CDH13: variants seen among roughly 807,000 people sequenced by gnomAD.
CDH13 encodes the protein cadherin 13.
Under a neutral mutation model 63.8 loss-of-function variants are expected in CDH13, and 24 were observed. The ratio of observed to expected loss-of-function variants is 0.38; its 90% CI spans 0.27 to 0.53. The LOEUF is 0.53. Among genes scored for constraint, CDH13 ranks in the 20% least tolerant of loss-of-function variants. The probability of loss-of-function intolerance (pLI) is 0.85; values close to 1 mark genes in which losing one functional copy is unlikely to be tolerated. For synonymous variants in CDH13, 503 were observed against 355.3 expected (o/e 1.42, Z -4.67); for missense variants, 1,049 against 903.1 (o/e 1.16, Z -2.07).
chr16:82,862,217 A>G (rs1260715831), intron 2 of CDH13, among the ~76,000 whole-genome samples: 1 of 152,172 alleles, frequency 6.6e-6, no homozygotes, highest in Admixed American at 6.5e-5. Flanking sequence ...CCAGAATTGG[A>G]CAGCAACCCT....
chr16:83,754,831 C>T (rs975649433), intron 11 of CDH13, among the ~76,000 whole-genome samples: 25 of 152,118 alleles, frequency 1.6e-4, no homozygotes, highest in Non-Finnish European at 2.6e-4. Context: ...ATGTCTTTAT[C>T]AGCAGCATGA....
In CDH13 at chr16:83,780,107, A is replaced by G; in HGVS notation, c.1821A>G (p.Ser607=). The part of the protein sequence containing the change: ...KNLSVVILGA[S]DKDLHPNTDP... The stretch of plus-strand genomic sequence containing the variant: ...TCAGTGTAGTCATTTTGGGAGCATC[A>G]GATAAGGATCTTCACCCGAATACAG... Residue 607 remains serine, a synonymous_variant, in exon 12 of 14, where the codon TCA becomes TCG. Transcript: ENST00000567109. The G allele has an allele frequency of 6.2e-7, 1 of 1,613,894 alleles. No individual in the cohort carries two copies. Among genetic ancestry groups the G allele is most frequent in the Non-Finnish European group, 8.5e-7 (1 of 1,179,812 alleles).
chr16:82,640,561 A>G (rs1203697589), intron 1 of CDH13, among the ~76,000 whole-genome samples: 2 of 152,304 alleles, frequency 1.3e-5, no homozygotes, highest in East Asian at 1.9e-4. Flanking sequence ...AATGTTATTT[A>G]CAAACACAAG....
intron 1 of CDH13, among the ~76,000 whole-genome samples, chr16:82,849,131 A>G (rs2039381445): frequency 6.6e-6 from 1 of 152,212 alleles, no homozygotes; most frequent in Non-Finnish European, 1.5e-5. Context: ...GAGGTGAAGA[A>G]GCTGCAGGAG....
intron 7 of CDH13, among the ~76,000 whole-genome samples, chr16:83,595,025 G>A (rs886354743): frequency 1.3e-5 from 2 of 152,178 alleles, no homozygotes; most frequent in Non-Finnish European, 2.9e-5. Flanking sequence ...ACACCCAGGA[G>A]GAGACAGCAA....
intron 6 of CDH13, among the ~76,000 whole-genome samples, chr16:83,412,889 T>G (rs139687404): frequency 1.1e-4 from 17 of 152,186 alleles, no homozygotes; most frequent in Admixed American, 1.1e-3. Context: ...CAAAAGGGGG[T>G]TTATTTCATG....
Position 82,671,107 on chromosome 16 carries a change from AGACT to A in CDH13, c.45+43975_45+43978del, listed in dbSNP as rs57603601. ...GGCGAGGGGAAAGTCATCAAGCCAG[AGACT>A]GACTACTTTGAAAATTGAATACAAG... On this transcript the variant is annotated intron_variant, in intron 1 of 13. Coordinates refer to ENST00000567109, the MANE Select transcript of CDH13 (RefSeq NM_001257.5). Among the ~76,000 whole-genome samples the A allele has an allele frequency of 0.025, 3,842 of 152,324 alleles. 279 individuals are homozygous for A. The East Asian group carries it at 0.3, about 12-fold the overall frequency.
At chr16:82,847,486 C>G (rs553168351) in intron 1 of CDH13, among the ~76,000 whole-genome samples, 9 of 152,320 alleles carry the variant, frequency 5.9e-5, no homozygotes, top group African/African-American at 2.2e-4. Context: ...ACATATCACT[C>G]TGCCCTCACC....
chr16:82,635,074 G>A (rs1432188171), intron 1 of CDH13, among the ~76,000 whole-genome samples: 2 of 152,214 alleles, frequency 1.3e-5, no homozygotes, highest in East Asian at 3.8e-4. Context: ...GTGAGGTCAT[G>A]CCGTTCTAAA....
chr16:83,735,068 G>T (rs1289146321), intron 10 of CDH13, among the ~76,000 whole-genome samples: 1 of 150,904 alleles, frequency 6.6e-6, no homozygotes, highest in Non-Finnish European at 1.5e-5. Context: ...AGAAAAAAAT[G>T]ATGAATAGAA....
At chr16:83,343,176 A>T (rs987274212) in intron 5 of CDH13, among the ~76,000 whole-genome samples, 1 of 152,110 alleles carries the variant, frequency 6.6e-6, no homozygotes, top group Admixed American at 6.5e-5. Context: ...ATGTTAAAGA[A>T]AAAAATTTAA....
chr16:83,103,225 T>C (rs185902449), intron 3 of CDH13, among the ~76,000 whole-genome samples: 44 of 148,706 alleles, frequency 3.0e-4, no homozygotes, highest in African/African-American at 1.1e-3. Flanking sequence ...AGTACTGAGA[T>C]TACAGGCGTT....
chr16:82,929,515 G>C (rs1252389419), intron 2 of CDH13, among the ~76,000 whole-genome samples: 1 of 151,572 alleles, frequency 6.6e-6, no homozygotes, highest in Non-Finnish European at 1.5e-5. Context: ...AGCTGGGCAT[G>C]GTAGTGGGCG....
At chr16:82,870,508 G>A (rs914501337) in intron 2 of CDH13, among the ~76,000 whole-genome samples, 17 of 152,112 alleles carry the variant, frequency 1.1e-4, no homozygotes, top group Non-Finnish European at 1.8e-4. Flanking sequence ...TGGGGAGGGA[G>A]AATAAAGTGG....
At chr16:82,655,510 T>C (rs1597232447) in intron 1 of CDH13, among the ~76,000 whole-genome samples, 1 of 150,966 alleles carries the variant, frequency 6.6e-6, no homozygotes, top group African/African-American at 2.4e-5. Context: ...GGTCCAAGAG[T>C]AGGAGATGAG....
intron 2 of CDH13, among the ~76,000 whole-genome samples, chr16:83,012,479 T>A (rs945938343): frequency 4.6e-5 from 7 of 152,166 alleles, no homozygotes; most frequent in African/African-American, 1.2e-4. Context: ...GAGGCTAAAT[T>A]TTCAAATGGT....
intron 6 of CDH13, chr16:83,396,543 G>A (rs1343260136): frequency 2.0e-5 from 3 of 152,116 alleles, no homozygotes; most frequent in Admixed American, 6.5e-5. Context: ...TTGAATTATG[G>A]TGGTACTTTA....
intron 2 of CDH13, among the ~76,000 whole-genome samples, chr16:82,905,443 G>C (rs2041612254): frequency 6.9e-6 from 1 of 144,036 alleles, no homozygotes; most frequent in Admixed American, 6.7e-5. Flanking sequence ...GTGTGTGTGT[G>C]TGTGTGTGTG....
chr16:83,482,373 G>A (rs2073791075), intron 6 of CDH13, among the ~76,000 whole-genome samples: 1 of 152,236 alleles, frequency 6.6e-6, no homozygotes, highest in Admixed American at 6.5e-5. Context: ...TCCATCAACA[G>A]CAAAGTTTGG....
Sources: allele counts gnomAD v4.1 joint callset (sites outside exome capture counted in the v4.1 genomes callset), GRCh38; gene constraint gnomAD v4.1.1; transcripts MANE v1.5; gene names NCBI Gene and HGNC (gene_info 2026-07-23, HGNC 2026-07-21).